Variants in TFB1M observed in about 807,000 individuals in gnomAD.
The protein encoded by TFB1M is transcription factor B1, mitochondrial, also known as dimethyladenosine transferase 1, mitochondrial.
In TFB1M, 27 loss-of-function variants were observed where a neutral mutation model predicts 31.1. The observed-to-expected ratio is 0.87, with a 90% confidence interval of 0.64 to 1.20. The LOEUF is 1.20. Ranked by LOEUF, TFB1M falls within the 50% of genes most tolerant of loss-of-function variation. The pLI, the probability that TFB1M is intolerant of heterozygous loss-of-function variation, is 0.00. For synonymous variants in TFB1M, 166 were observed against 151.8 expected (o/e 1.09, Z -0.69); for missense variants, 394 against 418.7 (o/e 0.94, Z 0.51).
chr6:155,250,792 A>G, the TFB1M span: 1 of 1,199,674 alleles, frequency 8.3e-7, no homozygotes, highest in Non-Finnish European at 1.2e-6. Context: ...TACAGGTATC[A>G]TAAAAATTAA....
Position 155,314,474 on chromosome 6 carries a change from A to T in TFB1M, c.-46T>A, listed in dbSNP as rs748276008. On this transcript the variant is annotated 5_prime_UTR_variant, in exon 1 of 7. Transcript: ENST00000367166. Reference sequence around the variant, plus strand: ...CAACCCTACCTCACCCAGGACCTTCACCGCCGCTCCGAAAGAAACGCGCAG... The same window carrying T: ...CAACCCTACCTCACCCAGGACCTTCTCCGCCGCTCCGAAAGAAACGCGCAG... 2 of 1,608,404 alleles carry T rather than the reference A, an allele frequency of 1.2e-6. No homozygotes were observed. Among genetic ancestry groups the T allele is most frequent in the Non-Finnish European group, 1.7e-6 (2 of 1,176,326 alleles).
intron 1 of TFB1M, chr6:155,313,185 T>G (rs991469752): frequency 2.0e-5 from 3 of 151,434 alleles, no homozygotes; most frequent in African/African-American, 7.3e-5. Flanking sequence ...AGGCGGAGGT[T>G]GCAGTGAGCT....
chr6:155,291,630 T>C (rs111827911), intron 4 of TFB1M, among the ~76,000 whole-genome samples: 1,861 of 152,294 alleles, frequency 0.012, 34 homozygotes, highest in Non-Finnish European at 0.015. Flanking sequence ...GGCTGATTAA[T>C]GTTGGGTGGT....
At chr6:155,276,341 G>C in intron 5 of TFB1M, 1 of 1,613,316 alleles carries the variant, frequency 6.2e-7, no homozygotes, top group South Asian at 1.1e-5. Flanking sequence ...CACACAGCTC[G>C]AGAACAATTC....
chr6:155,305,430 TATATAA>T lies in TFB1M; in HGVS notation c.285+5752_285+5757del. ...TATATTATTAAATTATATATTTATATATATAAATATATATTAAATTATATATTTATA... is the reference window on the plus strand; with the variant it reads ...TATATTATTAAATTATATATTTATATATATATATTAAATTATATATTTATA... On this transcript the variant is annotated intron_variant, in intron 2 of 6. Coordinates refer to ENST00000367166, the MANE Select transcript of TFB1M (RefSeq NM_016020.4). Among the ~76,000 whole-genome samples the T allele has an allele frequency of 6.5e-5, 2 of 30,820 alleles. 1 individual carries two copies. Among genetic ancestry groups the T allele is most frequent in the Non-Finnish European group, 1.0e-4 (2 of 19,830 alleles). The allele number at this position is 30,820 out of a possible 152,430, so 20.2% of individuals were successfully genotyped here. A position where few individuals can be genotyped will look rare whatever the true frequency, so the allele number is the denominator to read the frequency against.
At chr6:155,268,593 G>A (rs1784769073) in intron 5 of TFB1M, among the ~76,000 whole-genome samples, 1 of 152,148 alleles carries the variant, frequency 6.6e-6, no homozygotes, top group Admixed American at 6.5e-5. Flanking sequence ...ACACACTAAG[G>A]GAAGCTAAAG....
the TFB1M span, among the ~76,000 whole-genome samples, chr6:155,236,141 T>C: frequency 6.6e-5 from 10 of 151,898 alleles, no homozygotes; most frequent in Admixed American, 5.2e-4. Context: ...TTAGCTCACT[T>C]CATAGGAGGC....
At chr6:155,279,033 G>A (rs1317986802) in intron 5 of TFB1M, among the ~76,000 whole-genome samples, 1 of 152,102 alleles carries the variant, frequency 6.6e-6, no homozygotes, top group Non-Finnish European at 1.5e-5. Context: ...GAAGAGGCCA[G>A]GGATGCCTTT....
At chr6:155,276,330 A>ACACACAGCTCGAGAACAATTC (rs1320796818) in intron 5 of TFB1M, 1 of 1,613,690 alleles carries the variant, frequency 6.2e-7, no homozygotes, top group East Asian at 2.2e-5. Context: ...CCTATCTCTA[A>ACACACAGCTCGAGAACAATTC]CACACAGCTC....
At chr6:155,280,463 T>C (rs1193228646) in intron 5 of TFB1M, among the ~76,000 whole-genome samples, 3 of 152,158 alleles carry the variant, frequency 2.0e-5, no homozygotes, top group Non-Finnish European at 4.4e-5. Context: ...CCCGCCGTGG[T>C]TCTAGGCTGA....
chr6:155,292,215 A>G (rs1776957464), intron 4 of TFB1M, among the ~76,000 whole-genome samples: 1 of 152,172 alleles, frequency 6.6e-6, no homozygotes, highest in African/African-American at 2.4e-5. Flanking sequence ...CTCGGCAGGC[A>G]GAATTTGTGG....
intron 3 of TFB1M, among the ~76,000 whole-genome samples, chr6:155,297,890 C>A (rs988835107): frequency 2.6e-5 from 4 of 152,220 alleles, no homozygotes; most frequent in South Asian, 4.1e-4. Context: ...TGCGGCCCAA[C>A]TGAAGGAGTC....
At chr6:155,244,591 A>G in the TFB1M span, 1 of 1,554,744 alleles carries the variant, frequency 6.4e-7, no homozygotes, top group African/African-American at 1.4e-5. Context: ...TTGTGGGCCT[A>G]AGAGTTAGCG....
At chr6:155,306,288 T>A (rs1255323529) in intron 2 of TFB1M, among the ~76,000 whole-genome samples, 2 of 152,128 alleles carry the variant, frequency 1.3e-5, no homozygotes. Context: ...TAAAACAATT[T>A]GGTATTTCTG....
At chr6:155,287,720 C>G (rs989582195) in intron 4 of TFB1M, among the ~76,000 whole-genome samples, 1 of 151,990 alleles carries the variant, frequency 6.6e-6, no homozygotes, top group East Asian at 1.9e-4. Context: ...TATTTTATTT[C>G]TTTAAAAAAG....
intron 4 of TFB1M, among the ~76,000 whole-genome samples, chr6:155,293,157 T>TCATATATACATA (rs112024894): frequency 1.3e-5 from 2 of 151,238 alleles, no homozygotes; most frequent in African/African-American, 4.9e-5. Flanking sequence ...ACTTTAAATA[T>TCATATATACATA]CATACATACA....
chr6:155,294,183 C>G (rs1228871177), intron 4 of TFB1M, among the ~76,000 whole-genome samples: 2 of 152,152 alleles, frequency 1.3e-5, no homozygotes, highest in Non-Finnish European at 2.9e-5. Context: ...TTCTACTTCA[C>G]TATACACAGA....
At chr6:155,254,557 T>C (rs753626019), downstream of TFB1M, 2 of 1,611,726 alleles carry the variant, frequency 1.2e-6, no homozygotes, top group Non-Finnish European at 1.7e-6. Flanking sequence ...ACCGAGTTCC[T>C]GTTTCGGCCA....
chr6:155,247,865 T>C, the TFB1M span: 1 of 1,092,334 alleles, frequency 9.2e-7, no homozygotes, highest in African/African-American at 1.6e-5. Context: ...GACCCACTGA[T>C]GTGTTGGGGT....
Sources: gnomAD v4.1 joint callset for allele counts (sites outside exome capture counted in the v4.1 genomes callset) on GRCh38, gnomAD v4.1.1 for gene constraint, MANE v1.5 for transcripts, NCBI Gene and HGNC (gene_info 2026-07-23, HGNC 2026-07-21) for gene names.